Variants in NDUFS4 observed in about 807,000 individuals in gnomAD.
NDUFS4 encodes the protein NADH:ubiquinone oxidoreductase subunit S4, also known as NADH dehydrogenase [ubiquinone] iron-sulfur protein 4, mitochondrial.
NDUFS4 carries 28 observed loss-of-function variants against 24.3 expected under a neutral mutation model. The ratio of observed to expected loss-of-function variants is 1.15; its 90% confidence interval spans 0.85 to 1.58. The LOEUF (loss-of-function observed/expected upper bound fraction) is 1.58. NDUFS4 is among the 40% of genes most tolerant of loss of function. The probability of loss-of-function intolerance (pLI) is 0.00; values close to 1 mark genes in which losing one functional copy is unlikely to be tolerated. For missense variants in NDUFS4, 223 were observed against 207.9 expected (o/e 1.07, Z -0.45); for synonymous variants, 93 against 69.7 (o/e 1.34, Z -1.67).
chr5:53,669,360 T>TA (rs1381724119), intron 4 of NDUFS4, among the ~76,000 whole-genome samples: 1 of 152,158 alleles, frequency 6.6e-6, no homozygotes, highest in Non-Finnish European at 1.5e-5. Flanking sequence ...TTTCTGCCCT[T>TA]ACATTCCAAA....
chr5:53,565,476 G>T (rs1445601736), intron 1 of NDUFS4, among the ~76,000 whole-genome samples: 1 of 152,148 alleles, frequency 6.6e-6, no homozygotes, highest in African/African-American at 2.4e-5. Context: ...GTAATGGCTT[G>T]CATGTAGCAG....
At chr5:53,583,022 C>T (rs1279695361) in intron 1 of NDUFS4, among the ~76,000 whole-genome samples, 6 of 152,042 alleles carry the variant, frequency 3.9e-5, no homozygotes, top group East Asian at 1.9e-4. Context: ...GGAGTACAGG[C>T]GCCCGCCACC....
chr5:53,674,555 C>G (rs1053537580), intron 4 of NDUFS4, among the ~76,000 whole-genome samples: 1 of 151,942 alleles, frequency 6.6e-6, no homozygotes, highest in Non-Finnish European at 1.5e-5. Context: ...TGATCACAAC[C>G]GGTTACAGAT....
chr5:53,563,955 A>T (rs1164914743), intron 1 of NDUFS4, among the ~76,000 whole-genome samples: 1 of 152,228 alleles, frequency 6.6e-6, no homozygotes, highest in African/African-American at 2.4e-5. Context: ...TGATGTTTTT[A>T]TTCACTTATT....
intron 1 of NDUFS4, among the ~76,000 whole-genome samples, chr5:53,565,457 G>A (rs1748989026): frequency 6.6e-6 from 1 of 152,176 alleles, no homozygotes; most frequent in South Asian, 2.1e-4. Context: ...GTACTTCATG[G>A]CATCTAGTGT....
At chr5:53,606,882 T>C (rs1750531242) in intron 2 of NDUFS4, among the ~76,000 whole-genome samples, 1 of 152,240 alleles carries the variant, frequency 6.6e-6, no homozygotes, top group African/African-American at 2.4e-5. Flanking sequence ...ATATAACCTA[T>C]GCATATTCTC....
chr5:53,652,367 T>C (rs1179199773), intron 3 of NDUFS4, among the ~76,000 whole-genome samples: 1 of 152,136 alleles, frequency 6.6e-6, no homozygotes, highest in Non-Finnish European at 1.5e-5. Flanking sequence ...AAAGTTACAG[T>C]AATTTTTTAA....
chr5:53,658,196 A>G (rs1752219128), intron 3 of NDUFS4, among the ~76,000 whole-genome samples: 1 of 152,228 alleles, frequency 6.6e-6, no homozygotes, highest in East Asian at 1.9e-4. Context: ...TGATAGGACT[A>G]GCAATTTTAC....
chr5:53,665,268 A>G (rs995593634), intron 4 of NDUFS4, among the ~76,000 whole-genome samples: 1 of 152,156 alleles, frequency 6.6e-6, no homozygotes, highest in Non-Finnish European at 1.5e-5. Context: ...TAGGCTACTC[A>G]GGGGTCAGGG....
At chr5:53,621,690 A>ATTTTTTTTT (rs58169759) in intron 2 of NDUFS4, among the ~76,000 whole-genome samples, 9 of 81,564 alleles carry the variant, frequency 1.1e-4, no homozygotes, top group African/African-American at 4.4e-4. Context: ...CTCATAGTAA[A>ATTTTTTTTT]TTTTTTTTTT....
chr5:53,653,427 T>C (rs2112515718), intron 3 of NDUFS4, among the ~76,000 whole-genome samples: 1 of 152,324 alleles, frequency 6.6e-6, no homozygotes, highest in South Asian at 2.1e-4. Flanking sequence ...TTCTAACACA[T>C]TGCCAAAGCA....
At chr5:53,661,258 A>G (rs1180357174) in intron 4 of NDUFS4, among the ~76,000 whole-genome samples, 1 of 152,176 alleles carries the variant, frequency 6.6e-6, no homozygotes, top group Non-Finnish European at 1.5e-5. Flanking sequence ...TAAATAGGGA[A>G]TCCTTTCCCC....
intron 1 of NDUFS4, among the ~76,000 whole-genome samples, chr5:53,575,098 A>G (rs938404073): frequency 2.6e-5 from 4 of 152,142 alleles, no homozygotes; most frequent in African/African-American, 9.7e-5. Context: ...AGAGAAGAAA[A>G]TGGGGATTTT....
chr5:53,645,072 T>C (rs1751820087), intron 2 of NDUFS4, among the ~76,000 whole-genome samples: 1 of 152,138 alleles, frequency 6.6e-6, no homozygotes, highest in African/African-American at 2.4e-5. Flanking sequence ...TGTATTATAA[T>C]GACATAAAAA....
At chr5:53,628,820 C>A (rs1163677229) in intron 2 of NDUFS4, among the ~76,000 whole-genome samples, 1 of 152,072 alleles carries the variant, frequency 6.6e-6, no homozygotes. Flanking sequence ...TTTTAAAAAA[C>A]CAGCTTCTGG....
intron 2 of NDUFS4, among the ~76,000 whole-genome samples, chr5:53,643,457 A>G (rs2112503862): frequency 6.6e-6 from 1 of 152,186 alleles, no homozygotes; most frequent in South Asian, 2.1e-4. Context: ...CTCCGTGTGA[A>G]TTTAGAGGGA....
chr5:53,590,678 T>A (rs1002781521), intron 1 of NDUFS4, among the ~76,000 whole-genome samples: 2 of 152,230 alleles, frequency 1.3e-5, no homozygotes, highest in Admixed American at 6.5e-5. Context: ...ATCTTCTTCA[T>A]CTTTGACAAA....
chr5:53,628,206 C>T (rs1751288785), intron 2 of NDUFS4, among the ~76,000 whole-genome samples: 1 of 152,130 alleles, frequency 6.6e-6, no homozygotes, highest in Non-Finnish European at 1.5e-5. Flanking sequence ...TATGTTGAAC[C>T]AGCCTTGCAT....
At chr5:53,578,018 T>G (rs112568990) in intron 1 of NDUFS4, among the ~76,000 whole-genome samples, 1,745 of 152,314 alleles carry the variant, frequency 0.011, 37 homozygotes, top group African/African-American at 0.039. Context: ...AGCTGCCTTT[T>G]AGTCTTGCTC....
Sources: gnomAD v4.1 joint callset for allele counts (sites outside exome capture counted in the v4.1 genomes callset) on GRCh38, gnomAD v4.1.1 for gene constraint, MANE v1.5 for transcripts, NCBI Gene and HGNC (gene_info 2026-07-23, HGNC 2026-07-21) for gene names.